TFRC: variants seen among roughly 807,000 people sequenced by gnomAD.
The protein encoded by TFRC is transferrin receptor.
TFRC carries 35 observed loss-of-function variants against 85.8 expected under a neutral mutation model. The observed-to-expected ratio is 0.41, with a 90% CI of 0.31 to 0.54. The LOEUF is 0.54. TFRC is among the 20% of genes least tolerant of loss of function. TFRC has a pLI of 0.31. For synonymous variants in TFRC, 362 were observed against 328.6 expected (o/e 1.10, Z -1.10); for missense variants, 828 against 921.5 (o/e 0.90, Z 1.31).
intron 17 of TFRC, among the ~76,000 whole-genome samples, chr3:196,053,855 G>A (rs907598569): frequency 2.0e-5 from 3 of 152,166 alleles, no homozygotes; most frequent in African/African-American, 7.2e-5. Context: ...TGTCCCTATA[G>A]GGGAAAACAT....
Position 196,062,911 on chromosome 3 carries a change from G to T in TFRC, c.1347C>A (p.Ile449=). 1 of 1,614,130 alleles carries T rather than the reference G, an allele frequency of 6.2e-7. No individual in the cohort carries two copies. Among genetic ancestry groups the T allele is most frequent in the Non-Finnish European group, 8.5e-7 (1 of 1,180,036 alleles). The change falls in exon 12 of 19, where the codon ATC becomes ATA. Residue 449 remains isoleucine (I), a synonymous_variant. Coordinates refer to ENST00000360110, the MANE Select transcript of TFRC (RefSeq NM_001128148.3). ...AGTCTCCAGCACTCCAACTGGCAAA[G>T]ATAATGCTTCTGCTGGGCTGAAACC... ...KDGFQPSRSI[I]FASWSAGDFG... is the part of the protein sequence containing the mutation.
intron 7 of TFRC, among the ~76,000 whole-genome samples, 189 bp from the exon 8 acceptor site, chr3:196,068,319 A>C (rs957514341): frequency 6.6e-6 from 1 of 152,218 alleles, no homozygotes; most frequent in Non-Finnish European, 1.5e-5. Context: ...TGTTTGCAAA[A>C]TAAGAGTAAC....
Position 196,062,851 on chromosome 3 carries a change from T to C in TFRC, c.1404+3A>G, listed in dbSNP as rs1236826462. On this transcript the variant is annotated splice_donor_region_variant and intron_variant, in intron 12 of 18. Transcript: ENST00000360110. ...CAATATGGGAAGGGATGATAAAGAATACCTCTAGCCATTCAGTGGCACCAA... is the reference window on the plus strand; with the variant it reads ...CAATATGGGAAGGGATGATAAAGAACACCTCTAGCCATTCAGTGGCACCAA... 1 of 1,613,716 alleles carries C rather than the reference T, an allele frequency of 6.2e-7. No homozygotes were observed. Among genetic ancestry groups the C allele is most frequent in the Non-Finnish European group, 8.5e-7 (1 of 1,179,668 alleles).
At chr3:196,065,080 T>C (rs566859875) in intron 10 of TFRC, among the ~76,000 whole-genome samples, 17 of 151,824 alleles carry the variant, frequency 1.1e-4, no homozygotes, top group African/African-American at 3.4e-4. Context: ...CTGACCAACA[T>C]GGAGAAACCC....
chr3:196,053,930 A>C (rs1470081611), intron 17 of TFRC, among the ~76,000 whole-genome samples: 2 of 152,146 alleles, frequency 1.3e-5, no homozygotes, highest in African/African-American at 4.8e-5. Context: ...CAACAGTTAC[A>C]ATTAGTTTCA....
At chr3:196,068,256 T>C in intron 7 of TFRC, 126 bp from the exon 8 acceptor site, 1 of 580,030 alleles carries the variant, frequency 1.7e-6, no homozygotes. Context: ...TCCAAATATT[T>C]CAAATTGTTT....
At chr3:196,070,774 A>AAATAATAATAATAATAATAATAATAAT (rs58386151) in intron 6 of TFRC, among the ~76,000 whole-genome samples, 9 of 135,784 alleles carry the variant, frequency 6.6e-5, no homozygotes, top group African/African-American at 1.1e-4. Flanking sequence ...TGTCTCTACC[A>AAATAATAATAATAATAATAATAATAAT]AATAATAATA....
intron 1 of TFRC, among the ~76,000 whole-genome samples, chr3:196,079,009 G>A (rs1016526025): frequency 3.9e-5 from 6 of 152,024 alleles, no homozygotes; most frequent in Non-Finnish European, 5.9e-5. Flanking sequence ...TCTGACCTAG[G>A]GTGATCCACC....
chr3:196,066,448 G>C (rs1270269773), intron 9 of TFRC, among the ~76,000 whole-genome samples: 1 of 152,082 alleles, frequency 6.6e-6, no homozygotes, highest in Non-Finnish European at 1.5e-5. Context: ...GAGTGAGACT[G>C]TCAAAATAAA....
chr3:196,062,635 G>A lies in TFRC; in HGVS notation c.1415C>T (p.Ser472Leu), dbSNP rs1321974380. 1.1e-5 allele frequency: 18 copies of A among 1,609,426 alleles called. No individual in the cohort carries two copies. Among genetic ancestry groups the A allele is most frequent in the Middle Eastern group, 1.7e-4 (1 of 6,034 alleles). ...AGTGAAAGCCTTTAAATGCAGGGACGAAAGGTATCCCTAGAAGAGAAGGGA... is the reference window on the plus strand; with the variant it reads ...AGTGAAAGCCTTTAAATGCAGGGACAAAAGGTATCCCTAGAAGAGAAGGGA... ...GATEWLEGYL[S>L]SLHLKAFTYI... Residue 472 changes from serine to leucine, a missense_variant, in exon 13 of 19, where the codon TCG becomes TTG. Transcript: ENST00000360110.
chr3:196,071,266 G>T, intron 6 of TFRC, 130 bp downstream of exon 6: 1 of 709,608 alleles, frequency 1.4e-6, no homozygotes. Context: ...TGTCATTAGA[G>T]GGTTGAAAAC....
intron 5 of TFRC, 36 bp downstream of exon 5, chr3:196,071,967 C>T (rs777000113): frequency 7.5e-6 from 12 of 1,593,844 alleles, no homozygotes; most frequent in South Asian, 1.1e-5. Flanking sequence ...AAAATAGCTA[C>T]TTGTATAAAA....
intron 13 of TFRC, chr3:196,062,379 A>G: frequency 1.9e-6 from 1 of 538,286 alleles, no homozygotes; most frequent in Non-Finnish European, 3.3e-6. Flanking sequence ...TAAAAATACA[A>G]AAAATTAGCT....
At chr3:196,058,059 T>G (rs1258794828) in intron 16 of TFRC, 1 of 362,430 alleles carries the variant, frequency 2.8e-6, no homozygotes, top group African/African-American at 2.1e-5. Context: ...AACCTTGGAC[T>G]GGTGTCATCC....
At chr3:196,081,180 C>A (rs1719139455) in intron 1 of TFRC, among the ~76,000 whole-genome samples, 1 of 152,230 alleles carries the variant, frequency 6.6e-6, no homozygotes, top group South Asian at 2.1e-4. Context: ...GACCACACCG[C>A]TAATCTCCAA....
chr3:196,078,124 C>A (rs906889458), intron 1 of TFRC, among the ~76,000 whole-genome samples: 1 of 152,044 alleles, frequency 6.6e-6, no homozygotes, highest in Non-Finnish European at 1.5e-5. Flanking sequence ...TAATCAAAGT[C>A]CTAAGTTAAG....
At chr3:196,073,630 G>C (rs1718414505) in intron 4 of TFRC, among the ~76,000 whole-genome samples, 1 of 152,110 alleles carries the variant, frequency 6.6e-6, no homozygotes, top group African/African-American at 2.4e-5. Context: ...CGTTACAAGA[G>C]GTTAAGAAGA....
At chr3:196,078,218 A>G (rs935572956) in intron 1 of TFRC, among the ~76,000 whole-genome samples, 3 of 152,088 alleles carry the variant, frequency 2.0e-5, no homozygotes, top group Non-Finnish European at 4.4e-5. Context: ...TTATCCTGAG[A>G]TTTGCAAAAT....
intron 1 of TFRC, among the ~76,000 whole-genome samples, chr3:196,079,585 C>T (rs1577260295): frequency 6.6e-6 from 1 of 152,196 alleles, no homozygotes; most frequent in Non-Finnish European, 1.5e-5. Flanking sequence ...CATTGCACTA[C>T]AGCCTGGGCA....
Sources: allele counts gnomAD v4.1 joint callset (sites outside exome capture counted in the v4.1 genomes callset), GRCh38; gene constraint gnomAD v4.1.1; transcripts MANE v1.5; gene names NCBI Gene and HGNC (gene_info 2026-07-23, HGNC 2026-07-21).